Variants in CTCFL observed in about 807,000 individuals in gnomAD.
CTCFL encodes transcriptional repressor CTCFL.
In CTCFL, 36 loss-of-function variants were observed where a neutral mutation model predicts 67.4. That is an observed-to-expected ratio of 0.53 (90% CI 0.41 to 0.71). The LOEUF (loss-of-function observed/expected upper bound fraction) is 0.71. Ranked by LOEUF, CTCFL falls within the 30% of genes least tolerant of loss-of-function variation. The pLI, the probability that CTCFL is intolerant of heterozygous loss-of-function variation, is 0.00. For missense variants in CTCFL, 786 were observed against 835.2 expected (o/e 0.94, Z 0.73); for synonymous variants, 324 against 302.3 (o/e 1.07, Z -0.75).
chr20:57,521,598 TCAAA>T (rs763939324), intron 3 of CTCFL, among the ~76,000 whole-genome samples: 23 of 152,190 alleles, frequency 1.5e-4, no homozygotes, highest in Non-Finnish European at 2.4e-4. Flanking sequence ...AAACAGGTGC[TCAAA>T]CAAAAAACTT....
intron 8 of CTCFL, among the ~76,000 whole-genome samples, chr20:57,509,232 T>C (rs2068399664): frequency 6.6e-6 from 1 of 151,962 alleles, no homozygotes; most frequent in Non-Finnish European, 1.5e-5. Context: ...ACCTTAAGTA[T>C]CAACATTTTT....
intron 5 of CTCFL, among the ~76,000 whole-genome samples, chr20:57,517,100 G>C: frequency 6.6e-6 from 1 of 152,100 alleles, no homozygotes. Context: ...ATTTCACTTA[G>C]GTTTTCAGAA....
intron 7 of CTCFL, among the ~76,000 whole-genome samples, chr20:57,514,137 T>C (rs2068746985): frequency 6.6e-6 from 1 of 152,126 alleles, no homozygotes; most frequent in Non-Finnish European, 1.5e-5. Flanking sequence ...AACTTCTGCT[T>C]CCAAAACTTC....
At chr20:57,519,828 A>G (rs1446947808) in intron 3 of CTCFL, among the ~76,000 whole-genome samples, 2 of 152,234 alleles carry the variant, frequency 1.3e-5, no homozygotes, top group Non-Finnish European at 2.9e-5. Context: ...GGGGACTGCA[A>G]GAAAAACCAT....
chr20:57,506,751 T>C, intron 9 of CTCFL: 4 of 978,644 alleles, frequency 4.1e-6, no homozygotes, highest in South Asian at 4.7e-5. Flanking sequence ...GGCAGACTTG[T>C]TCTTTTCTCT....
At chr20:57,506,367 A>G (rs1300811793) in intron 9 of CTCFL, among the ~76,000 whole-genome samples, 1 of 152,196 alleles carries the variant, frequency 6.6e-6, no homozygotes, top group African/African-American at 2.4e-5. Flanking sequence ...GTAGTGGCAC[A>G]GTCTCAGCTC....
At chr20:57,520,137 C>T (rs2069244619) in intron 3 of CTCFL, among the ~76,000 whole-genome samples, 2 of 152,164 alleles carry the variant, frequency 1.3e-5, no homozygotes, top group South Asian at 4.1e-4. Context: ...GTGAGCATGT[C>T]CTGGGTGGTT....
rs564894714 is a variant in CTCFL, at chr20:57,515,807, A to C, written c.1087T>G (p.Ser363Ala). 3.7e-5 allele frequency: 60 copies of C among 1,613,708 alleles called. 2 individuals carry two copies. The South Asian group carries it at 5.6e-4, about 15-fold the overall frequency. Residue 363 changes from serine (S) to alanine (A), a missense_variant, in exon 6 of 11, where the codon TCC becomes GCC. Around this residue, in one of 3 missense-constraint regions of CTCFL, gnomAD observed 254 missense variants for 333.9 expected, o/e 0.76. Transcript: ENST00000243914. ...EASKLKRHVR[S>A]HTGERPFQCC... ...TGAAAGGGGCGCTCCCCAGTGTGGGATCGGACATGGCGCTTCAATTTACTT... is the reference window on the plus strand; with the variant it reads ...TGAAAGGGGCGCTCCCCAGTGTGGGCTCGGACATGGCGCTTCAATTTACTT...
At chr20:57,511,111 A>G (rs972478791) in intron 8 of CTCFL, among the ~76,000 whole-genome samples, 2 of 152,134 alleles carry the variant, frequency 1.3e-5, no homozygotes, top group African/African-American at 4.8e-5. Context: ...GTATGAACAC[A>G]GCCTACTGCA....
In CTCFL at chr20:57,497,561, A is replaced by G. The variant is rs2067741195; in HGVS notation, c.*989T>C. ...TGTATCCAGATAGAAATGAATTTCA[A>G]GTGTTAAAGAGGCATCTCTCACGCT... On this transcript the variant is annotated 3_prime_UTR_variant, in exon 11 of 11. Coordinates refer to ENST00000243914, the MANE Select transcript of CTCFL (RefSeq NM_001386993.1). 2.0e-6 allele frequency: 2 copies of G among 985,476 alleles called. No individual in the cohort carries two copies. Among genetic ancestry groups the G allele is most frequent in the African/African-American group, 1.7e-5 (1 of 57,380 alleles). The allele number at this position is 985,476 out of a possible 1,614,324, so 61.0% of individuals were successfully genotyped here.
chr20:57,509,378 C>T (rs113580106), intron 8 of CTCFL, among the ~76,000 whole-genome samples: 119 of 151,320 alleles, frequency 7.9e-4, no homozygotes, highest in South Asian at 2.1e-3. Flanking sequence ...ATCCTCCTGC[C>T]TCAGCCTCCT....
chr20:57,510,199 TCAA>T (rs993689263), intron 8 of CTCFL, among the ~76,000 whole-genome samples: 7 of 152,250 alleles, frequency 4.6e-5, no homozygotes, highest in Admixed American at 3.9e-4. Flanking sequence ...GTTTTGGTTT[TCAA>T]ACTTCTACTC....
At chr20:57,498,810 G>A in intron 10 of CTCFL, 109 bp from the exon 11 acceptor site, 4 of 936,888 alleles carry the variant, frequency 4.3e-6, no homozygotes, top group Non-Finnish European at 6.6e-6. Context: ...GAACACGGCA[G>A]CAAGCATGTT....
chr20:57,519,574 A>T (rs180889822), intron 3 of CTCFL, among the ~76,000 whole-genome samples, 197 bp from the exon 4 acceptor site: 40 of 152,356 alleles, frequency 2.6e-4, no homozygotes, highest in African/African-American at 9.4e-4. Flanking sequence ...CGCTGTTTCA[A>T]GATGGGCCGA....
chr20:57,517,755 C>A (rs1268092236), intron 5 of CTCFL, among the ~76,000 whole-genome samples: 1 of 151,922 alleles, frequency 6.6e-6, no homozygotes, highest in African/African-American at 2.4e-5. Flanking sequence ...GGCTACCCCC[C>A]ACAGGCTGCG....
At position 57,513,790 on chromosome 20, in the gene CTCFL, T is replaced by C. The variant is rs1057317202; in HGVS notation, c.1330+802A>G. 4 of 1,263,526 alleles carry C rather than the reference T, an allele frequency of 3.2e-6. No homozygotes were observed. The Admixed American group carries it at 1.0e-4, about 32-fold the overall frequency. 78.3% of individuals were successfully genotyped at this position (1,263,526 alleles called of 1,614,324 possible). On this transcript the variant is annotated intron_variant, in intron 7 of 10. Transcript: ENST00000243914. ...TGGGCAAAAGGGTCAAATTTTTTGT[T>C]CTGCTAACATATTTTTGTGTATCAC... is the stretch of plus-strand genomic sequence containing the variant.
intron 1 of CTCFL, chr20:57,524,702 G>C (rs559117447): frequency 3.0e-6 from 3 of 997,536 alleles, no homozygotes; most frequent in Non-Finnish European, 3.6e-6. Context: ...AGCGAGGTTC[G>C]GGCCCGAGCA....
rs1293478035 is a variant in CTCFL, at chr20:57,515,788, G to C, written c.1106C>G (p.Pro369Arg). 2 of 1,613,982 alleles carry C rather than the reference G, an allele frequency of 1.2e-6. No homozygotes were observed. The highest frequency in any genetic ancestry group is 2.7e-5 in the African/African-American group (2 of 74,914). ...RHVRSHTGER[P>R]FQCCQCSYAS... The stretch of plus-strand genomic sequence containing the variant: ...ATAGCTGCACTGGCAACACTGAAAG[G>C]GGCGCTCCCCAGTGTGGGATCGGAC... Residue 369 changes from proline to arginine, a missense_variant, in exon 6 of 11, where the codon CCC becomes CGC. Pro to Arg is a moderately radical substitution (Grantham distance 103). Around this residue, in one of 3 missense-constraint regions of CTCFL, gnomAD observed 254 missense variants for 333.9 expected, o/e 0.76. Transcript: ENST00000243914.
chr20:57,514,465 G>A lies in CTCFL; in HGVS notation c.1330+127C>T, dbSNP rs962908738. On this transcript the variant is annotated intron_variant, in intron 7 of 10. Transcript: ENST00000243914. ...CGACAGGACTTCTGGAAGAAAATTCGTCCCAGGGCCAAGTTCCCGAAGACC... is the reference window on the plus strand; with the variant it reads ...CGACAGGACTTCTGGAAGAAAATTCATCCCAGGGCCAAGTTCCCGAAGACC... 1.3e-5 allele frequency: 14 copies of A among 1,113,016 alleles called. 1 individual carries two copies. The highest frequency in any genetic ancestry group is 9.1e-5 in the South Asian group (6 of 66,104). The allele number at this position is 1,113,016 out of a possible 1,614,324, so 68.9% of individuals were successfully genotyped here. A position where few individuals can be genotyped will look rare whatever the true frequency, so the allele number is the denominator to read the frequency against.
Sources: gnomAD v4.1 joint callset for allele counts (sites outside exome capture counted in the v4.1 genomes callset) on GRCh38, gnomAD v4.1.1 for gene constraint, gnomAD v4.1.1 regional missense constraint, MANE v1.5 for transcripts, NCBI Gene and HGNC (gene_info 2026-07-23, HGNC 2026-07-21) for gene names.